Variants in NAALAD2 observed in about 807,000 individuals in gnomAD.
The protein encoded by NAALAD2 is N-acetylated alpha-linked acidic dipeptidase 2, also known as N-acetylated-alpha-linked acidic dipeptidase 2.
In NAALAD2, 89 loss-of-function variants were observed where a neutral mutation model predicts 95.6. That is an observed-to-expected ratio of 0.93 (90% CI 0.78 to 1.11). The LOEUF is 1.11. NAALAD2 is among the 50% of genes least tolerant of loss of function. NAALAD2 has a pLI of 0.00. For synonymous variants in NAALAD2, 264 were observed against 294.4 expected (o/e 0.90, Z 1.06); for missense variants, 894 against 872.4 (o/e 1.02, Z -0.31).
intron 17 of NAALAD2, 69 bp downstream of exon 17, chr11:90,181,770 T>C (rs1053305419): frequency 3.0e-6 from 3 of 1,010,140 alleles, no homozygotes; most frequent in Non-Finnish European, 4.5e-6. Flanking sequence ...ATGAACTGTT[T>C]CACTCATATT....
chr11:90,175,142 G>T (rs568268795), intron 14 of NAALAD2, among the ~76,000 whole-genome samples: 2 of 152,128 alleles, frequency 1.3e-5, no homozygotes, highest in African/African-American at 4.8e-5. Context: ...TACTCAACTT[G>T]TACAAGCAAA....
At chr11:90,185,712 T>C (rs1394684366) in intron 18 of NAALAD2, among the ~76,000 whole-genome samples, 1 of 152,136 alleles carries the variant, frequency 6.6e-6, no homozygotes, top group Non-Finnish European at 1.5e-5. Context: ...TATCTACCTC[T>C]TACTGAATTT....
chr11:90,132,299 C>T (rs1035990516), upstream of NAALAD2: 1 of 152,412 alleles, frequency 6.6e-6, no homozygotes, highest in African/African-American at 2.4e-5. Flanking sequence ...TTGATTTATT[C>T]TATTACTCAA....
chr11:90,132,834 T>C (rs1210014153), upstream of NAALAD2, among the ~76,000 whole-genome samples: 1 of 152,182 alleles, frequency 6.6e-6, no homozygotes, highest in Non-Finnish European at 1.5e-5. Context: ...TTGAAAGATG[T>C]TTCTCTCTAA....
intron 13 of NAALAD2, among the ~76,000 whole-genome samples, chr11:90,173,018 A>G (rs182375808): frequency 1.8e-4 from 27 of 152,304 alleles, no homozygotes; most frequent in Non-Finnish European, 3.1e-4. Context: ...ACAAGAAAAC[A>G]AAATATAGTC....
chr11:90,161,642 C>T (rs76253277), intron 8 of NAALAD2, among the ~76,000 whole-genome samples: 6,648 of 152,126 alleles, frequency 0.044, 491 homozygotes, highest in African/African-American at 0.15. Context: ...ACGAGAAAGA[C>T]GTAGGTTTAA....
intron 8 of NAALAD2, among the ~76,000 whole-genome samples, chr11:90,161,509 A>G (rs530249585): frequency 6.6e-6 from 1 of 152,296 alleles, no homozygotes; most frequent in East Asian, 1.9e-4. Context: ...GCAGTGAATA[A>G]AGTAGGCAAA....
At chr11:90,142,556 C>G (rs545030507) in intron 2 of NAALAD2, among the ~76,000 whole-genome samples, 3 of 152,098 alleles carry the variant, frequency 2.0e-5, no homozygotes, top group Admixed American at 2.0e-4. Flanking sequence ...AAAATGTACC[C>G]TCTATAGAGA....
chr11:90,138,486 T>C (rs1951508152), intron 2 of NAALAD2, among the ~76,000 whole-genome samples: 1 of 152,166 alleles, frequency 6.6e-6, no homozygotes. Context: ...GCCTATATCA[T>C]AGAAAGGACC....
chr11:90,138,051 C>T (rs1166116022), intron 2 of NAALAD2, among the ~76,000 whole-genome samples: 2 of 151,980 alleles, frequency 1.3e-5, no homozygotes, highest in African/African-American at 2.4e-5. Flanking sequence ...CTTTTAATTC[C>T]CCCAAAACTT....
At chr11:90,157,830 C>G (rs1232311596) in intron 6 of NAALAD2, among the ~76,000 whole-genome samples, 1 of 151,874 alleles carries the variant, frequency 6.6e-6, no homozygotes, top group Non-Finnish European at 1.5e-5. Flanking sequence ...AAGCGATTCT[C>G]CCACCTCAGC....
At chr11:90,142,343 G>A (rs572603748) in intron 2 of NAALAD2, among the ~76,000 whole-genome samples, 5 of 152,146 alleles carry the variant, frequency 3.3e-5, no homozygotes, top group African/African-American at 1.2e-4. Context: ...CATTCATTAG[G>A]CATATACACA....
At chr11:90,177,586 G>GTTTTGTTTTTTTTTTTTTTTTTTT (rs1952833043) in intron 15 of NAALAD2, among the ~76,000 whole-genome samples, 1 of 28,456 alleles carries the variant, frequency 3.5e-5, no homozygotes, top group African/African-American at 1.4e-4. Context: ...TCTTTTTCTT[G>GTTTTGTTTTTTTTTTTTTTTTTTT]TTTTTTTTTT....
chr11:90,183,140 C>T (rs1857017979), intron 18 of NAALAD2, 132 bp downstream of exon 18: 6 of 593,212 alleles, frequency 1.0e-5, no homozygotes. Flanking sequence ...TAAGATTGTA[C>T]ATTTAATAAT....
At chr11:90,184,595 CT>C (rs148332816) in intron 18 of NAALAD2, among the ~76,000 whole-genome samples, 3,644 of 152,008 alleles carry the variant, frequency 0.024, 152 homozygotes, top group African/African-American at 0.082. Context: ...TATTTATTTT[CT>C]ATTTATTTAT....
In NAALAD2 at chr11:90,191,792, A is replaced by T. The variant is rs1169143761; in HGVS notation, c.*45A>T. On this transcript the variant is annotated 3_prime_UTR_variant, in exon 19 of 19. Coordinates refer to ENST00000534061, the MANE Select transcript of NAALAD2 (RefSeq NM_005467.4). ...CATTAAAGGTGTTGCTAAAAGTCTG[A>T]GGATAAAATTCACCTTTCTGATAAC... is the stretch of plus-strand genomic sequence containing the variant. 7.2e-7 allele frequency: 1 copy of T among 1,388,480 alleles called. No individual in the cohort carries two copies. Among genetic ancestry groups the T allele is most frequent in the Non-Finnish European group, 9.5e-7 (1 of 1,053,538 alleles). 86.0% of individuals were successfully genotyped at this position (1,388,480 alleles called of 1,614,324 possible).
At chr11:90,177,507 A>G (rs1404591568) in intron 15 of NAALAD2, among the ~76,000 whole-genome samples, 1 of 147,734 alleles carries the variant, frequency 6.8e-6, no homozygotes, top group Non-Finnish European at 1.5e-5. Context: ...ATATTTGGCT[A>G]TAGTGTTTTC....
Position 90,150,512 on chromosome 11 carries a change from A to G in NAALAD2, c.514A>G (p.Thr172Ala). Residue 172 changes from threonine to alanine, a missense_variant, in exon 5 of 19, where the codon ACT becomes GCT. Physicochemically the swap from Thr to Ala is moderately conservative, Grantham distance 58. Coordinates refer to ENST00000534061, the MANE Select transcript of NAALAD2 (RefSeq NM_005467.4). ...GDLVYVNYAR[T>A]EDFFKLEREM... ...TCTTGTATATGTGAACTATGCTCGC[A>G]CTGAAGACTTTTTCAAACTAGAAAG... 1 of 1,611,370 alleles carries G rather than the reference A, an allele frequency of 6.2e-7. No individual in the cohort carries two copies. The highest frequency in any genetic ancestry group is 2.2e-5 in the East Asian group (1 of 44,696).
chr11:90,149,903 C>T (rs1397722206), intron 4 of NAALAD2, among the ~76,000 whole-genome samples: 1 of 152,100 alleles, frequency 6.6e-6, no homozygotes, highest in Non-Finnish European at 1.5e-5. Context: ...TTTATTTACT[C>T]TATTCCCTGT....
Sources: allele counts gnomAD v4.1 joint callset (sites outside exome capture counted in the v4.1 genomes callset), GRCh38; gene constraint gnomAD v4.1.1; transcripts MANE v1.5; gene names NCBI Gene and HGNC (gene_info 2026-07-23, HGNC 2026-07-21).